PLPPR5: variants seen among roughly 807,000 people sequenced by gnomAD.
PLPPR5 encodes the protein phospholipid phosphatase-related protein type 5.
A neutral mutation model predicts 33.9 loss-of-function variants in PLPPR5; 16 were observed. That is an observed-to-expected ratio of 0.47 (90% CI 0.32 to 0.72). PLPPR5 has a LOEUF of 0.72. Among genes scored for constraint, PLPPR5 ranks in the 30% least tolerant of loss-of-function variants. The probability of loss-of-function intolerance (pLI) is 0.03; values close to 1 mark genes in which losing one functional copy is unlikely to be tolerated. For missense variants in PLPPR5, 301 were observed against 406.7 expected, an observed-to-expected ratio of 0.74 and a Z score of 2.23; for synonymous variants, 163 against 150.3, an observed-to-expected ratio of 1.08 and a Z score of -0.62.
At chr1:98,897,556 CT>C (rs1245524501) in intron 5 of PLPPR5, among the ~76,000 whole-genome samples, 1 of 152,040 alleles carries the variant, frequency 6.6e-6, no homozygotes, top group Non-Finnish European at 1.5e-5. Context: ...TGATAAAAAG[CT>C]TTTGTGTTTG....
At chr1:98,985,401 C>T (rs1652220041) in intron 1 of PLPPR5, among the ~76,000 whole-genome samples, 1 of 151,986 alleles carries the variant, frequency 6.6e-6, no homozygotes, top group African/African-American at 2.4e-5. Flanking sequence ...GGTTTCAAAA[C>T]CTTTTTGGTG....
chr1:98,913,211 G>A (rs558167279), intron 5 of PLPPR5, among the ~76,000 whole-genome samples: 124 of 152,222 alleles, frequency 8.1e-4, no homozygotes, highest in South Asian at 1.4e-3. Flanking sequence ...GCACGTTTTT[G>A]TTCCTGCAAC....
intron 1 of PLPPR5, among the ~76,000 whole-genome samples, chr1:98,987,299 T>C (rs1414328316): frequency 3.3e-5 from 5 of 151,852 alleles, no homozygotes; most frequent in African/African-American, 1.2e-4. Context: ...TTAAATTATA[T>C]GGGAAGCACT....
At chr1:99,001,671 GATATATAT>G (rs55722150) in intron 1 of PLPPR5, among the ~76,000 whole-genome samples, 57 of 102,190 alleles carry the variant, frequency 5.6e-4, no homozygotes, top group Middle Eastern at 5.2e-3. Flanking sequence ...GAAAGTTAAA[GATATATAT>G]ATATATATAT....
At chr1:98,918,244 T>C (rs1649428993) in intron 4 of PLPPR5, among the ~76,000 whole-genome samples, 1 of 152,190 alleles carries the variant, frequency 6.6e-6, no homozygotes, top group Non-Finnish European at 1.5e-5. Flanking sequence ...TTTGTAAACA[T>C]GGGCAAGTTA....
intron 3 of PLPPR5, among the ~76,000 whole-genome samples, chr1:98,948,461 C>G (rs1220389160): frequency 6.6e-6 from 1 of 152,112 alleles, no homozygotes; most frequent in Non-Finnish European, 1.5e-5. Context: ...CAAATTCTTC[C>G]CATCCCAGTA....
At chr1:98,973,675 C>G (rs2100745645) in intron 1 of PLPPR5, among the ~76,000 whole-genome samples, 1 of 151,986 alleles carries the variant, frequency 6.6e-6, no homozygotes. Context: ...ATAGGGTTGA[C>G]ACAATTATAG....
At chr1:98,952,380 A>T (rs1650822577) in intron 3 of PLPPR5, among the ~76,000 whole-genome samples, 1 of 151,284 alleles carries the variant, frequency 6.6e-6, no homozygotes. Flanking sequence ...GAGGAGGGAG[A>T]GGCTGATGGT....
chr1:98,904,306 A>G (rs1648812796), intron 5 of PLPPR5, among the ~76,000 whole-genome samples: 1 of 118,342 alleles, frequency 8.5e-6, no homozygotes, highest in South Asian at 2.5e-4. Flanking sequence ...CCTTTGGTTC[A>G]ATTGATTAGG....
At chr1:98,973,032 A>T (rs1029849155) in intron 1 of PLPPR5, among the ~76,000 whole-genome samples, 3 of 152,232 alleles carry the variant, frequency 2.0e-5, no homozygotes, top group African/African-American at 7.2e-5. Context: ...ATACTGTAGC[A>T]GAGTGGACAG....
At chr1:98,992,833 A>T (rs1413934115) in intron 1 of PLPPR5, among the ~76,000 whole-genome samples, 1 of 152,134 alleles carries the variant, frequency 6.6e-6, no homozygotes, top group Admixed American at 6.6e-5. Flanking sequence ...AGAAAGATTC[A>T]TTGCAGATGG....
At position 99,001,130 on chromosome 1, in the gene PLPPR5, ACT is replaced by A. The variant is rs1286900160; in HGVS notation, c.237+3303_237+3304del. Among the ~76,000 whole-genome samples the A allele has an allele frequency of 1.2e-3, 177 of 141,916 alleles. 2 individuals carry two copies. Among genetic ancestry groups the A allele is most frequent in the Non-Finnish European group, 2.2e-3 (146 of 65,200 alleles). 93.1% of individuals were successfully genotyped at this position (141,916 alleles called of 152,430 possible). ...GATTACACAGCAAGTAGAGTTCCCA[ACT>A]CTTTTTTTTTTTTTTTTTTTGAGAC... On this transcript the variant is annotated intron_variant, in intron 1 of 5. Transcript: ENST00000263177.
Position 98,968,377 on chromosome 1 carries a change from A to G in PLPPR5, c.238-11636T>C, listed in dbSNP as rs188662995. On this transcript the variant is annotated intron_variant, in intron 1 of 5. Coordinates refer to ENST00000263177, the MANE Select transcript of PLPPR5 (RefSeq NM_001037317.2). ...TTAGTAAGCTTTCCAGTTTTTCTAA[A>G]ATACCCATTAGAATCATTTTCCCCT... Among the ~76,000 whole-genome samples the G allele has an allele frequency of 7.9e-4, 120 of 152,196 alleles. No individual in the cohort carries two copies. In the East Asian group the frequency reaches 0.02, roughly 25 times the overall value.
chr1:98,908,079 A>T lies in PLPPR5; in HGVS notation c.933+6707T>A, dbSNP rs187169088. 4.6e-5 allele frequency among the ~76,000 whole-genome samples: 7 copies of T among 152,308 alleles called. No homozygotes were observed. The East Asian group carries it at 1.4e-3, about 29-fold the overall frequency. ...TTGCTTATTTGCTAACTCTGTCTCAAAATGGTGTTGATCCAAGGTGTTGAG... is the reference window on the plus strand; with the variant it reads ...TTGCTTATTTGCTAACTCTGTCTCATAATGGTGTTGATCCAAGGTGTTGAG... On this transcript the variant is annotated intron_variant, in intron 5 of 5. Transcript: ENST00000263177.
intron 1 of PLPPR5, among the ~76,000 whole-genome samples, chr1:98,999,778 T>C (rs898213161): frequency 6.6e-6 from 1 of 152,208 alleles, no homozygotes. Flanking sequence ...GCCAGCACCC[T>C]TGGGATAGCA....
At chr1:98,998,231 T>C (rs144226639) in intron 1 of PLPPR5, among the ~76,000 whole-genome samples, 1 of 152,054 alleles carries the variant, frequency 6.6e-6, no homozygotes, top group Non-Finnish European at 1.5e-5. Flanking sequence ...CACCCCCAAA[T>C]CTAGTGCCAG....
intron 3 of PLPPR5, among the ~76,000 whole-genome samples, chr1:98,929,940 AAAAT>A (rs916369857): frequency 4.9e-4 from 75 of 152,346 alleles, no homozygotes; most frequent in East Asian, 3.9e-4. Flanking sequence ...GATACGAGCA[AAAAT>A]AAATAAATAA....
chr1:99,003,913 A>G (rs1652961831), intron 1 of PLPPR5, among the ~76,000 whole-genome samples: 1 of 152,186 alleles, frequency 6.6e-6, no homozygotes, highest in Admixed American at 6.5e-5. Context: ...GCTTAGTCCC[A>G]TTGGCACTTT....
intron 3 of PLPPR5, among the ~76,000 whole-genome samples, chr1:98,942,602 T>C (rs1650416853): frequency 6.6e-6 from 1 of 152,162 alleles, no homozygotes; most frequent in Non-Finnish European, 1.5e-5. Flanking sequence ...TCTAGTGCAC[T>C]GGATGGTAAA....
Sources: allele counts gnomAD v4.1 joint callset (sites outside exome capture counted in the v4.1 genomes callset), GRCh38; gene constraint gnomAD v4.1.1; transcripts MANE v1.5; gene names NCBI Gene and HGNC (gene_info 2026-07-23, HGNC 2026-07-21).